The following ZNF668 variants were observed in gnomAD, a reference collection of about 807,000 sequenced individuals.
The protein encoded by ZNF668 is zinc finger protein 668.
In ZNF668, 10 loss-of-function variants were observed where a neutral mutation model predicts 40.3. That is an observed-to-expected ratio of 0.25 (90% CI 0.15 to 0.42). The LOEUF is 0.42. Among genes scored for constraint, ZNF668 ranks in the 10% least tolerant of loss-of-function variants. The pLI, the probability that ZNF668 is intolerant of heterozygous loss-of-function variation, is 1.00. For missense variants in ZNF668, 749 were observed against 904.6 expected (o/e 0.83, Z 2.21); for synonymous variants, 428 against 384.6 (o/e 1.11, Z -1.32).
In ZNF668 at chr16:31,066,059, C is replaced by T. The variant is rs373419929; in HGVS notation, c.-22-1578G>A. On this transcript the variant is annotated intron_variant, in intron 1 of 2. Coordinates refer to ENST00000300849, the MANE Select transcript of ZNF668 (RefSeq NM_024706.5). Reference sequence around the variant, plus strand: ...TTGACCCAGGGAGGACACAGGAGCCCCTGACGCGTGGCAAGGGCCACATCC... The same window carrying T: ...TTGACCCAGGGAGGACACAGGAGCCTCTGACGCGTGGCAAGGGCCACATCC... The T allele has an allele frequency of 6.5e-4, 643 of 985,320 alleles. 5 individuals carry two copies. The African/African-American group carries it at 0.01, about 16-fold the overall frequency. 61.0% of individuals were successfully genotyped at this position (985,320 alleles called of 1,614,324 possible).
At position 31,064,138 on chromosome 16, in the gene ZNF668, C is replaced by T; in HGVS notation, c.322G>A (p.Gly108Arg). Residue 108 changes from glycine to arginine, a missense_variant, in exon 2 of 3, where the codon GGG (glycine) becomes AGG (arginine). By Grantham distance (125) the Gly-to-Arg change is moderately radical. Coordinates refer to ENST00000300849, the MANE Select transcript of ZNF668 (RefSeq NM_024706.5). ...TCGGGGCACGGAAAGGGCTTCTCCCCCGTGTGGCTGCGCCCGTGGCTGCGC... is the reference window on the plus strand; with the variant it reads ...TCGGGGCACGGAAAGGGCTTCTCCCTCGTGTGGCTGCGCCCGTGGCTGCGC... Reference protein sequence around the residue: ...ELRSHGRSHTGEKPFPCPECG... With the variant: ...ELRSHGRSHTREKPFPCPECG... The T allele has an allele frequency of 1.2e-6, 2 of 1,607,810 alleles. No homozygotes were observed. The highest frequency in any genetic ancestry group is 1.7e-5 in the Admixed American group (1 of 59,938).
At chr16:31,064,539 C>G (rs759691848) in intron 1 of ZNF668, 58 bp from the exon 2 acceptor site, 4 of 1,596,530 alleles carry the variant, frequency 2.5e-6, no homozygotes, top group African/African-American at 2.7e-5. Context: ...CTGAAAGCCT[C>G]AGAGAGAACC....
intron 1 of ZNF668, chr16:31,066,345 A>G (rs566574515): frequency 4.4e-4 from 438 of 985,388 alleles, no homozygotes; most frequent in Admixed American, 2.0e-3. Flanking sequence ...TTTGGCCCCA[A>G]TCCCACAAAA....
intron 2 of ZNF668, 61 bp downstream of exon 2, chr16:31,063,752 T>G: frequency 1.4e-6 from 2 of 1,447,842 alleles, no homozygotes; most frequent in Non-Finnish European, 1.8e-6. Flanking sequence ...CAGGCCCCAT[T>G]GGCTGCAGCA....
chr16:31,063,845 AT>A lies in ZNF668; in HGVS notation c.614del (p.Tyr205LeufsTer101). 1.3e-6 allele frequency: 2 copies of A among 1,590,870 alleles called. No homozygotes were observed. The highest frequency in any genetic ancestry group is 1.7e-6 in the Non-Finnish European group (2 of 1,166,426). Reference sequence around the variant, plus strand: ...GGTTGCGGAGGTCCTTGAGCTCCGCATAGGCTTTGCCGCAACGCTCACAGCT... The same window carrying A: ...GGTTGCGGAGGTCCTTGAGCTCCGCAAGGCTTTGCCGCAACGCTCACAGCT... ...PYSCERCGKA[Y>X]AELKDLRNHE... On this transcript the variant is annotated frameshift_variant, in exon 2 of 3. Transcript: ENST00000300849. LOFTEE classifies it high-confidence loss of function.
Position 31,064,159 on chromosome 16 carries a change from T to C in ZNF668, c.301A>G (p.Ser101Gly). ...TCCCCCGTGTGGCTGCGCCCGTGGC[T>C]GCGCAGCTCGGGTGCCGTCTTGTAG... ...KAYKTAPELR[S>G]HGRSHTGEKP... The change falls in exon 2 of 3, where the codon AGC (serine) becomes GGC (glycine). Residue 101 changes from serine to glycine, a missense_variant. Transcript: ENST00000300849. The C allele has an allele frequency of 1.2e-6, 2 of 1,609,560 alleles. No individual in the cohort carries two copies. The highest frequency in any genetic ancestry group is 1.7e-6 in the Non-Finnish European group (2 of 1,179,382).
chr16:31,064,838 A>T, intron 1 of ZNF668: 1 of 1,444,726 alleles, frequency 6.9e-7, no homozygotes, highest in South Asian at 1.5e-5. Flanking sequence ...GAACTATGCC[A>T]GGATAAAGAG....
chr16:31,068,264 A>ATATATACATG (rs759680502), intron 1 of ZNF668, among the ~76,000 whole-genome samples: 1 of 111,770 alleles, frequency 8.9e-6, no homozygotes, highest in Non-Finnish European at 1.9e-5. Context: ...ATATATATAT[A>ATATATACATG]TAATTTTTGA....
At chr16:31,070,770 G>A (rs1384123501) in intron 1 of ZNF668, among the ~76,000 whole-genome samples, 1 of 151,938 alleles carries the variant, frequency 6.6e-6, no homozygotes, top group Non-Finnish European at 1.5e-5. Flanking sequence ...TCGAACTCCT[G>A]ACCTCAGATG....
chr16:31,069,271 A>ACACACACG (rs1437227961), intron 1 of ZNF668: 9 of 34,790 alleles, frequency 2.6e-4, no homozygotes, highest in African/African-American at 5.1e-4. Flanking sequence ...CTAAAAATAC[A>ACACACACG]CACACACACA....
rs771500094 is a variant in ZNF668 at position 31,061,189 on chromosome 16, G to C, written c.1739C>G (p.Ala580Gly). Reference sequence around the variant, plus strand: ...GCGCAAGTCGCTGGCACTCAAGAAGGCCTTGGGACAATGGGGGCAGGTGTA... The same window carrying C: ...GCGCAAGTCGCTGGCACTCAAGAAGCCCTTGGGACAATGGGGGCAGGTGTA... ...RPYTCPHCPK[A>G]FLSASDLRKH... The change falls in exon 3 of 3, where the codon GCC becomes GGC. Residue 580 changes from alanine to glycine, a missense_variant. By Grantham distance (60) the Ala-to-Gly change is moderately conservative. Coordinates refer to ENST00000300849, the MANE Select transcript of ZNF668 (RefSeq NM_024706.5). This position sits in a 1 kb window ranked among gnomAD's most constrained non-coding sequence, Gnocchi z 7.7. 1 of 1,520,788 alleles carries C rather than the reference G, an allele frequency of 6.6e-7. No individual in the cohort carries two copies. The highest frequency in any genetic ancestry group is 8.8e-7 in the Non-Finnish European group (1 of 1,135,994). 94.2% of individuals were successfully genotyped at this position (1,520,788 alleles called of 1,614,324 possible).
rs768029441 is a variant in ZNF668 at position 31,061,871 on chromosome 16, G to T, written c.1057C>A (p.Arg353=). 6.2e-6 allele frequency: 10 copies of T among 1,612,844 alleles called. No individual in the cohort carries two copies. In the Admixed American group the frequency reaches 1.0e-4, roughly 16 times the overall value. The part of the protein sequence containing the change: ...KTFVASWDLK[R]HALVHSGQRP... ...TGGCCAGAGTGCACCAGCGCGTGCC[G>T]CTTGAGGTCCCAGGACGCCACGAAC... The change falls in exon 3 of 3, where the codon CGG becomes AGG. Residue 353 remains arginine, a synonymous_variant. Coordinates refer to ENST00000300849, the MANE Select transcript of ZNF668 (RefSeq NM_024706.5). This position sits in a 1 kb window ranked among gnomAD's most constrained non-coding sequence, Gnocchi z 7.7.
rs759906784 is a variant in ZNF668, at chr16:31,063,778, C to G, written c.647+35G>C. On this transcript the variant is annotated intron_variant, in intron 2 of 2. Coordinates refer to ENST00000300849, the MANE Select transcript of ZNF668 (RefSeq NM_024706.5). ...GGCTGCAGCAACGCTGTCGCCCTGC[C>G]CCGGAAGGCGCCCTGCCCCGGAAGG... is the stretch of plus-strand genomic sequence containing the variant. The G allele has an allele frequency of 2.0e-6, 3 of 1,506,318 alleles. No individual in the cohort carries two copies. In the South Asian group the frequency reaches 3.9e-5, roughly 19 times the overall value. The allele number at this position is 1,506,318 out of a possible 1,614,324, so 93.3% of individuals were successfully genotyped here. A position where few individuals can be genotyped will look rare whatever the true frequency, so the allele number is the denominator to read the frequency against.
In ZNF668 at chr16:31,063,880, G is replaced by A; in HGVS notation, c.580C>T (p.Arg194Trp). ...RKHRRTHAGL[R>W]PYSCERCGKA... ...CCGCAACGCTCACAGCTGTAGGGCCGCAGGCCAGCGTGAGTACGCCGGTGC... is the reference window on the plus strand; with the variant it reads ...CCGCAACGCTCACAGCTGTAGGGCCACAGGCCAGCGTGAGTACGCCGGTGC... The change falls in exon 2 of 3, where the codon CGG becomes TGG. Residue 194 changes from arginine (R) to tryptophan (W), a missense_variant. This residue lies in a region of ZNF668 where 151 missense variants were observed against 178.6 expected (regional missense o/e 0.85). Coordinates refer to ENST00000300849, the MANE Select transcript of ZNF668 (RefSeq NM_024706.5). 2 of 1,593,724 alleles carry A rather than the reference G, an allele frequency of 1.3e-6. No individual in the cohort carries two copies. Among genetic ancestry groups the A allele is most frequent in the Non-Finnish European group, 1.7e-6 (2 of 1,170,472 alleles).
At position 31,060,949 on chromosome 16, in the gene ZNF668, A is replaced by C; in HGVS notation, c.*119T>G. The C allele has an allele frequency of 8.1e-7, 1 of 1,227,276 alleles. No individual in the cohort carries two copies. Among genetic ancestry groups the C allele is most frequent in the South Asian group, 2.8e-5 (1 of 35,096 alleles). 76.0% of individuals were successfully genotyped at this position (1,227,276 alleles called of 1,614,324 possible). A position where few individuals can be genotyped will look rare whatever the true frequency, so the allele number is the denominator to read the frequency against. On this transcript the variant is annotated 3_prime_UTR_variant, in exon 3 of 3. Transcript: ENST00000300849. ...AGCTCTCTTAGCTGGCCGACAGGGG[A>C]GCTAGTTGCTGAGGGGTAGGGATCT...
chr16:31,067,110 C>G lies in ZNF668; in HGVS notation c.-22-2629G>C, dbSNP rs1369883926. 2.0e-5 allele frequency among the ~76,000 whole-genome samples: 3 copies of G among 152,018 alleles called. No homozygotes were observed. In the East Asian group the frequency reaches 5.8e-4, roughly 29 times the overall value. ...GAGCATGCCTGTACTCCCAGCTACT[C>G]CAGAAGGCTGAGGTAGGAGAAATGC... On this transcript the variant is annotated intron_variant, in intron 1 of 2. Transcript: ENST00000300849.
At chr16:31,068,122 CCAGGG>C in intron 1 of ZNF668, among the ~76,000 whole-genome samples, 1 of 148,244 alleles carries the variant, frequency 6.7e-6, no homozygotes, top group East Asian at 2.0e-4. Context: ...ATGGCACTTC[CCAGGG>C]GAAAAGGTAG....
chr16:31,066,360 A>G (rs2056981907), intron 1 of ZNF668: 4 of 985,212 alleles, frequency 4.1e-6, no homozygotes, highest in Non-Finnish European at 4.8e-6. Flanking sequence ...ACAAAACTCC[A>G]TCTTATTCTC....
chr16:31,068,239 A>AAAAAAAAAAATAT (rs1473353128), intron 1 of ZNF668, among the ~76,000 whole-genome samples: 14 of 82,992 alleles, frequency 1.7e-4, no homozygotes, highest in East Asian at 7.3e-4. Context: ...AAAAAAAAAA[A>AAAAAAAAAAATAT]ATATATATAT....
Sources: gnomAD v4.1 joint callset for allele counts (sites outside exome capture counted in the v4.1 genomes callset) on GRCh38, gnomAD v4.1.1 for gene constraint, gnomAD v4.1.1 regional missense constraint, Gnocchi (gnomAD v3.1) non-coding constraint, MANE v1.5 for transcripts, NCBI Gene and HGNC (gene_info 2026-07-23, HGNC 2026-07-21) for gene names.